The following CPQ variants were observed in gnomAD, a reference collection of about 807,000 sequenced individuals.
CPQ encodes the protein carboxypeptidase Q.
In CPQ, 37 loss-of-function variants were observed where a neutral mutation model predicts 45.7. The ratio of observed to expected loss-of-function variants is 0.81; its 90% CI spans 0.62 to 1.07. The LOEUF is 1.07. Among genes scored for constraint, CPQ ranks in the 50% least tolerant of loss-of-function variants. The pLI is 0.00. For missense variants in CPQ, 537 were observed against 572.9 expected, an observed-to-expected ratio of 0.94 and a Z score of 0.64; for synonymous variants, 186 against 205.8, an observed-to-expected ratio of 0.90 and a Z score of 0.82.
intron 1 of CPQ, among the ~76,000 whole-genome samples, chr8:96,708,674 A>G (rs1563475178): frequency 6.6e-6 from 1 of 152,110 alleles, no homozygotes; most frequent in Non-Finnish European, 1.5e-5. Context: ...CTACTTAACA[A>G]CAAAATCAGC....
intron 7 of CPQ, among the ~76,000 whole-genome samples, chr8:97,070,931 C>G (rs1810729955): frequency 6.6e-6 from 1 of 152,110 alleles, no homozygotes; most frequent in South Asian, 2.1e-4. Context: ...TTAGATGTCC[C>G]TAAGTGCATC....
intron 5 of CPQ, among the ~76,000 whole-genome samples, chr8:97,027,718 G>A (rs1179869485): frequency 1.3e-5 from 2 of 152,158 alleles, no homozygotes; most frequent in South Asian, 2.1e-4. Flanking sequence ...AAGACACTAA[G>A]CTTTGCATTT....
intron 1 of CPQ, among the ~76,000 whole-genome samples, chr8:96,653,387 G>C (rs1184013794): frequency 1.3e-5 from 2 of 151,956 alleles, no homozygotes; most frequent in Non-Finnish European, 2.9e-5. Context: ...GTCTGTTCAG[G>C]CTCTTTGTCC....
intron 1 of CPQ, among the ~76,000 whole-genome samples, chr8:96,693,383 T>A (rs1809330341): frequency 6.6e-6 from 1 of 151,936 alleles, no homozygotes; most frequent in Non-Finnish European, 1.5e-5. Context: ...AACACCAAGA[T>A]TTAACCCAAA....
chr8:96,849,874 A>T (rs1811747556), intron 3 of CPQ, among the ~76,000 whole-genome samples: 2 of 152,196 alleles, frequency 1.3e-5, no homozygotes, highest in Non-Finnish European at 2.9e-5. Flanking sequence ...TTCAAGCTGG[A>T]TGAACCCTTA....
chr8:97,115,617 T>C (rs987624604), intron 7 of CPQ, among the ~76,000 whole-genome samples: 1 of 152,218 alleles, frequency 6.6e-6, no homozygotes, highest in African/African-American at 2.4e-5. Flanking sequence ...AGCCTTCATT[T>C]GGCATTCGGT....
chr8:96,865,449 G>C (rs1811985775), intron 3 of CPQ, among the ~76,000 whole-genome samples: 1 of 151,974 alleles, frequency 6.6e-6, no homozygotes. Context: ...CGTGTACCCA[G>C]GTATCTCATG....
intron 1 of CPQ, among the ~76,000 whole-genome samples, chr8:96,719,118 G>A (rs1052502685): frequency 1.6e-4 from 25 of 152,370 alleles, no homozygotes; most frequent in Admixed American, 1.4e-3. Flanking sequence ...CGATAGGACT[G>A]GGTGCCGTGG....
chr8:96,867,487 A>T (rs1436221043), intron 3 of CPQ, among the ~76,000 whole-genome samples: 1 of 152,070 alleles, frequency 6.6e-6, no homozygotes, highest in South Asian at 2.1e-4. Context: ...ACAGCTTTTT[A>T]AAAAATTAAG....
intron 3 of CPQ, among the ~76,000 whole-genome samples, chr8:96,842,529 G>T (rs2130854166): frequency 6.6e-6 from 1 of 152,288 alleles, no homozygotes; most frequent in Non-Finnish European, 1.5e-5. Context: ...GGGCCACTGT[G>T]CTCCCAAGGG....
chr8:96,785,441 A>C, intron 2 of CPQ, 111 bp downstream of exon 2: 1 of 935,386 alleles, frequency 1.1e-6, no homozygotes, highest in East Asian at 2.6e-5. Flanking sequence ...TTCCTATTCC[A>C]TTGGCTTAAT....
intron 5 of CPQ, among the ~76,000 whole-genome samples, chr8:96,992,843 A>G (rs1317795998): frequency 1.3e-5 from 2 of 152,192 alleles, no homozygotes; most frequent in Non-Finnish European, 1.5e-5. Flanking sequence ...CTCTCAATTC[A>G]TATCCATCTT....
intron 5 of CPQ, among the ~76,000 whole-genome samples, chr8:96,998,094 T>TATCA (rs1809206820): frequency 6.6e-6 from 1 of 151,984 alleles, no homozygotes; most frequent in South Asian, 2.1e-4. Context: ...AGTTGATAGC[T>TATCA]ATCATACCAC....
At chr8:97,041,575 G>A (rs1241111913) in intron 6 of CPQ, among the ~76,000 whole-genome samples, 1 of 152,144 alleles carries the variant, frequency 6.6e-6, no homozygotes, top group Non-Finnish European at 1.5e-5. Context: ...TTTTCAAAGG[G>A]AATGCTTCCA....
intron 1 of CPQ, among the ~76,000 whole-genome samples, chr8:96,669,560 AAGAC>A (rs546106040): frequency 3.3e-3 from 506 of 152,340 alleles, no homozygotes; most frequent in African/African-American, 0.012. Flanking sequence ...TTGTCACAGA[AAGAC>A]AGGAGGAAAA....
At chr8:96,656,987 T>G (rs1815645629) in intron 1 of CPQ, among the ~76,000 whole-genome samples, 2 of 151,688 alleles carry the variant, frequency 1.3e-5, no homozygotes. Context: ...CTCAGAATGC[T>G]AGGGAGCTGG....
chr8:96,666,750 C>G (rs1338028196), intron 1 of CPQ, among the ~76,000 whole-genome samples: 1 of 152,194 alleles, frequency 6.6e-6, no homozygotes, highest in Non-Finnish European at 1.5e-5. Flanking sequence ...CTCTCGTACA[C>G]CATGTATTGC....
At chr8:97,073,512 G>C (rs1052977751) in intron 7 of CPQ, among the ~76,000 whole-genome samples, 1 of 152,294 alleles carries the variant, frequency 6.6e-6, no homozygotes, top group African/African-American at 2.4e-5. Context: ...ATGGTAAGCA[G>C]ACTTCGCCCT....
chr8:96,809,773 A>T (rs1163946436), intron 2 of CPQ, among the ~76,000 whole-genome samples: 1 of 152,184 alleles, frequency 6.6e-6, no homozygotes, highest in East Asian at 1.9e-4. Context: ...AACTGGGTAA[A>T]AATAGTTCCC....
Sources: gnomAD v4.1 joint callset for allele counts (sites outside exome capture counted in the v4.1 genomes callset) on GRCh38, gnomAD v4.1.1 for gene constraint, MANE v1.5 for transcripts, NCBI Gene and HGNC (gene_info 2026-07-23, HGNC 2026-07-21) for gene names.